Variants in OR5AS1 observed in about 807,000 individuals in gnomAD.
OR5AS1 encodes olfactory receptor family 5 subfamily AS member 1, also known as olfactory receptor 5AS1.
For missense variants in OR5AS1, 492 were observed against 378.2 expected, an observed-to-expected ratio of 1.30 and a Z score of -2.50; for synonymous variants, 196 against 141.7, an observed-to-expected ratio of 1.38 and a Z score of -2.72.
chr11:56,029,917 C>A (rs928002408), intron 1 of OR5AS1, among the ~76,000 whole-genome samples: 2 of 152,044 alleles, frequency 1.3e-5, no homozygotes, highest in African/African-American at 2.4e-5. Flanking sequence ...CGTTAAGTAA[C>A]CTCCCAACAT....
rs1853412675 is a variant in OR5AS1, at chr11:56,037,009, C to G, written c.*5616C>G. 6.6e-6 allele frequency: 1 copy of G among 152,064 alleles called. No individual in the cohort carries two copies. The highest frequency in any genetic ancestry group is 1.5e-5 in the Non-Finnish European group (1 of 68,018). The allele number at this position is 152,064 out of a possible 1,614,324, so 9.4% of individuals were successfully genotyped here. A position where few individuals can be genotyped will look rare whatever the true frequency, so the allele number is the denominator to read the frequency against. On this transcript the variant is annotated 3_prime_UTR_variant, in exon 2 of 2. Coordinates refer to ENST00000641320, the MANE Select transcript of OR5AS1 (RefSeq NM_001001921.2). Reference sequence around the variant, plus strand: ...CCCATCTCATAAACAGAACCAATGACAAAAGCACATGTTTATCTCAACAGA... The same window carrying G: ...CCCATCTCATAAACAGAACCAATGAGAAAAGCACATGTTTATCTCAACAGA...
chr11:56,031,249 T>C lies in OR5AS1; in HGVS notation c.831T>C (p.Phe277=). 6.2e-7 allele frequency: 1 copy of C among 1,613,926 alleles called. No homozygotes were observed. ...SLDTDKVVAV[F]YTVVFPMFNP... ...ACACTGATAAGGTGGTGGCAGTGTT[T>C]TATACTGTTGTATTTCCCATGTTTA... The change falls in exon 2 of 2, where the codon TTT becomes TTC. Residue 277 remains phenylalanine (F), a synonymous_variant. Coordinates refer to ENST00000641320, the MANE Select transcript of OR5AS1 (RefSeq NM_001001921.2).
intron 1 of OR5AS1, among the ~76,000 whole-genome samples, chr11:56,028,063 C>A (rs1853314019): frequency 6.6e-6 from 1 of 151,994 alleles, no homozygotes; most frequent in Non-Finnish European, 1.5e-5. Context: ...TTTATAAGCA[C>A]AAATCACATA....
chr11:56,036,291 C>T lies in OR5AS1; in HGVS notation c.*4898C>T, dbSNP rs1251127286. The T allele has an allele frequency of 3.9e-5, 6 of 151,912 alleles. No homozygotes were observed. The highest frequency in any genetic ancestry group is 7.4e-5 in the Non-Finnish European group (5 of 68,002). 9.4% of individuals were successfully genotyped at this position (151,912 alleles called of 1,614,324 possible). A position where few individuals can be genotyped will look rare whatever the true frequency, so the allele number is the denominator to read the frequency against. ...AGAAATAACTAAGATCAGAGCAGAA[C>T]TGAAGGAGATAGAGACATGAAAAAC... On this transcript the variant is annotated 3_prime_UTR_variant, in exon 2 of 2. Coordinates refer to ENST00000641320, the MANE Select transcript of OR5AS1 (RefSeq NM_001001921.2).
chr11:56,036,454 C>T lies in OR5AS1; in HGVS notation c.*5061C>T, dbSNP rs1474772450. ...ATAAAAAATTATAAAGGGGATATCA[C>T]CACTGTTCCCACAGAAATACAAACT... On this transcript the variant is annotated 3_prime_UTR_variant, in exon 2 of 2. Transcript: ENST00000641320. 6.6e-6 allele frequency: 1 copy of T among 152,040 alleles called. No homozygotes were observed. Among genetic ancestry groups the T allele is most frequent in the Non-Finnish European group, 1.5e-5 (1 of 68,010 alleles). 9.4% of individuals were successfully genotyped at this position (152,040 alleles called of 1,614,324 possible).
In OR5AS1 at chr11:56,033,353, C is replaced by G. The variant is rs1360384288; in HGVS notation, c.*1960C>G. 6.5e-6 allele frequency: 1 copy of G among 152,696 alleles called. No individual in the cohort carries two copies. The highest frequency in any genetic ancestry group is 1.5e-5 in the Non-Finnish European group (1 of 68,558). 9.5% of individuals were successfully genotyped at this position (152,696 alleles called of 1,614,324 possible). Reference sequence around the variant, plus strand: ...CTCAGCAGATCCCACCCCCATGGAGCCCAGCAAGCTAAGATCCACTGGCTT... The same window carrying G: ...CTCAGCAGATCCCACCCCCATGGAGGCCAGCAAGCTAAGATCCACTGGCTT... On this transcript the variant is annotated 3_prime_UTR_variant, in exon 2 of 2. Transcript: ENST00000641320.
Position 56,030,762 on chromosome 11 carries a change from T to C in OR5AS1, c.344T>C (p.Leu115Pro). Residue 115 changes from leucine (L) to proline (P), a missense_variant, in exon 2 of 2, where the codon CTG becomes CCG. Coordinates refer to ENST00000641320, the MANE Select transcript of OR5AS1 (RefSeq NM_001001921.2). ...TTTGCTGATGCTGAGTGCCTTATCCTGGCAGCAATGGCTTATGACCGCTAT... is the reference window on the plus strand; with the variant it reads ...TTTGCTGATGCTGAGTGCCTTATCCCGGCAGCAATGGCTTATGACCGCTAT... ...ASFADAECLI[L>P]AAMAYDRYAA... The C allele has an allele frequency of 6.2e-7, 1 of 1,613,664 alleles. No homozygotes were observed. Among genetic ancestry groups the C allele is most frequent in the Non-Finnish European group, 8.5e-7 (1 of 1,179,664 alleles).
At position 56,036,560 on chromosome 11, in the gene OR5AS1, C is replaced by G. The variant is rs1191654393; in HGVS notation, c.*5167C>G. ...AAATGGTTAAATTCCTGGAAACACA[C>G]ACCCTCCCAAGTCTAATCCAGGAAG... is the stretch of plus-strand genomic sequence containing the variant. On this transcript the variant is annotated 3_prime_UTR_variant, in exon 2 of 2. Coordinates refer to ENST00000641320, the MANE Select transcript of OR5AS1 (RefSeq NM_001001921.2). The G allele has an allele frequency of 6.6e-6, 1 of 152,066 alleles. No homozygotes were observed. The highest frequency in any genetic ancestry group is 1.5e-5 in the Non-Finnish European group (1 of 68,030). 9.4% of individuals were successfully genotyped at this position (152,066 alleles called of 1,614,324 possible).
In OR5AS1 at chr11:56,037,674, G is replaced by C. The variant is rs550000082; in HGVS notation, c.*6281G>C. ...TATGAAGAATCAATATCATGAAAAT[G>C]GCCATCTACTGCCCTAAGTAATTTT... is the stretch of plus-strand genomic sequence containing the variant. On this transcript the variant is annotated 3_prime_UTR_variant, in exon 2 of 2. Transcript: ENST00000641320. 50 of 151,910 alleles carry C rather than the reference G, an allele frequency of 3.3e-4. 1 individual carries two copies. The highest frequency in any genetic ancestry group is 1.1e-3 in the African/African-American group (47 of 41,386). The allele number at this position is 151,910 out of a possible 1,614,324, so 9.4% of individuals were successfully genotyped here.
chr11:56,036,151 A>G lies in OR5AS1; in HGVS notation c.*4758A>G, dbSNP rs951008673. The G allele has an allele frequency of 2.0e-4, 30 of 152,158 alleles. No homozygotes were observed. Among genetic ancestry groups the G allele is most frequent in the African/African-American group, 7.0e-4 (29 of 41,402 alleles). 9.4% of individuals were successfully genotyped at this position (152,158 alleles called of 1,614,324 possible). A position where few individuals can be genotyped will look rare whatever the true frequency, so the allele number is the denominator to read the frequency against. On this transcript the variant is annotated 3_prime_UTR_variant, in exon 2 of 2. Coordinates refer to ENST00000641320, the MANE Select transcript of OR5AS1 (RefSeq NM_001001921.2). ...TAAAGCAGTGTTTAGAGGAAAATTC[A>G]CAGTACTAAAGGCCCACAAGAGAAA...
chr11:56,036,464 C>T lies in OR5AS1; in HGVS notation c.*5071C>T, dbSNP rs1853406625. On this transcript the variant is annotated 3_prime_UTR_variant, in exon 2 of 2. Coordinates refer to ENST00000641320, the MANE Select transcript of OR5AS1 (RefSeq NM_001001921.2). ...ATAAAGGGGATATCACCACTGTTCC[C>T]ACAGAAATACAAACTACCATCAGAG... The T allele has an allele frequency of 6.6e-6, 1 of 152,014 alleles. No homozygotes were observed. The highest frequency in any genetic ancestry group is 6.6e-5 in the Admixed American group (1 of 15,244). The allele number at this position is 152,014 out of a possible 1,614,324, so 9.4% of individuals were successfully genotyped here.
intron 1 of OR5AS1, among the ~76,000 whole-genome samples, chr11:56,029,057 A>G (rs1249168042): frequency 1.3e-5 from 2 of 152,070 alleles, no homozygotes; most frequent in South Asian, 2.1e-4. Context: ...TTGCTCTTCT[A>G]AAAAATCTGA....
rs914642118 is a variant in OR5AS1 at position 56,037,803 on chromosome 11, T to C, written c.*6410T>C. 1 of 150,634 alleles carries C rather than the reference T, an allele frequency of 6.6e-6. No individual in the cohort carries two copies. Among genetic ancestry groups the C allele is most frequent in the African/African-American group, 2.4e-5 (1 of 41,006 alleles). 9.3% of individuals were successfully genotyped at this position (150,634 alleles called of 1,614,324 possible). ...TCATGTGGAACCAGAAAACAGCCCA[T>C]GTAGCCCAGGCAATCCTAAGCAAAA... On this transcript the variant is annotated 3_prime_UTR_variant, in exon 2 of 2. Coordinates refer to ENST00000641320, the MANE Select transcript of OR5AS1 (RefSeq NM_001001921.2).
At chr11:56,028,886 G>T (rs186499252) in intron 1 of OR5AS1, among the ~76,000 whole-genome samples, 1 of 152,136 alleles carries the variant, frequency 6.6e-6, no homozygotes, top group East Asian at 1.9e-4. Context: ...AATTTGCTAG[G>T]GTTGGCCAGG....
intron 1 of OR5AS1, among the ~76,000 whole-genome samples, chr11:56,029,657 C>G (rs78851765): frequency 0.018 from 2,695 of 151,796 alleles, 85 homozygotes; most frequent in African/African-American, 0.062. Context: ...AAAAAAAACC[C>G]CAAAACAATC....
Position 56,031,348 on chromosome 11 carries a change from T to C in OR5AS1, c.930T>C (p.Tyr310=), listed in dbSNP as rs753535718. 6.4e-7 allele frequency: 1 copy of C among 1,570,584 alleles called. No homozygotes were observed. Among genetic ancestry groups the C allele is most frequent in the East Asian group, 2.2e-5 (1 of 44,726 alleles). ...AAAAGCTATTAGAAAGAATTGGATA[T>C]TCAAATGAATGGTATTTAAATCGTT... The part of the protein sequence containing the change: ...ALKKLLERIG[Y]SNEWYLNRLR... The change falls in exon 2 of 2, where the codon TAT becomes TAC. Residue 310 remains tyrosine (Y), a synonymous_variant. Coordinates refer to ENST00000641320, the MANE Select transcript of OR5AS1 (RefSeq NM_001001921.2).
rs527380881 is a variant in OR5AS1 at position 56,032,778 on chromosome 11, G to C, written c.*1385G>C. On this transcript the variant is annotated 3_prime_UTR_variant, in exon 2 of 2. Coordinates refer to ENST00000641320, the MANE Select transcript of OR5AS1 (RefSeq NM_001001921.2). ...AATAAAGCAACTGACGCAGTAAAGT[G>C]TCACACAAATTTTTAGATTTCTCAG... 54 of 152,270 alleles carry C rather than the reference G, an allele frequency of 3.5e-4. 1 individual carries two copies. Among genetic ancestry groups the C allele is most frequent in the African/African-American group, 1.2e-3 (51 of 41,518 alleles). 9.4% of individuals were successfully genotyped at this position (152,270 alleles called of 1,614,324 possible). A position where few individuals can be genotyped will look rare whatever the true frequency, so the allele number is the denominator to read the frequency against.
In OR5AS1 at chr11:56,031,129, A is replaced by G. The variant is rs1280803053; in HGVS notation, c.711A>G (p.Thr237=). ...AGTCCTCAGGTGGCAGAAGCAAAAC[A>G]TTCTCCACTTGTGCTTCCCACCTCA... ...SIKSSGGRSK[T]FSTCASHLIA... is the part of the protein sequence containing the mutation. The change falls in exon 2 of 2, where the codon ACA becomes ACG. Residue 237 remains threonine (T), a synonymous_variant. Coordinates refer to ENST00000641320, the MANE Select transcript of OR5AS1 (RefSeq NM_001001921.2). 2 of 1,614,044 alleles carry G rather than the reference A, an allele frequency of 1.2e-6. No individual in the cohort carries two copies. Among genetic ancestry groups the G allele is most frequent in the Admixed American group, 1.7e-5 (1 of 60,008 alleles).
Position 56,031,453 on chromosome 11 carries a change from T to A in OR5AS1, c.*60T>A. The stretch of plus-strand genomic sequence containing the variant: ...CATGAACATCTTATGTGTTAACTAT[T>A]TTAAATTTATCACATTTTCAGAAAT... On this transcript the variant is annotated 3_prime_UTR_variant, in exon 2 of 2. Transcript: ENST00000641320. 8.3e-7 allele frequency: 1 copy of A among 1,199,884 alleles called. No individual in the cohort carries two copies. The highest frequency in any genetic ancestry group is 1.2e-6 in the Non-Finnish European group (1 of 866,162). 74.3% of individuals were successfully genotyped at this position (1,199,884 alleles called of 1,614,324 possible).
Sources: gnomAD v4.1 joint callset for allele counts (sites outside exome capture counted in the v4.1 genomes callset) on GRCh38, gnomAD v4.1.1 for gene constraint, MANE v1.5 for transcripts, NCBI Gene and HGNC (gene_info 2026-07-23, HGNC 2026-07-21) for gene names.